MFRP: variants seen among roughly 807,000 people sequenced by gnomAD.
MFRP encodes the protein C1q and TNF related 5.
In MFRP, 74 loss-of-function variants were observed where a neutral mutation model predicts 65.8. The ratio of observed to expected loss-of-function variants is 1.12; its 90% confidence interval spans 0.93 to 1.36. The LOEUF (loss-of-function observed/expected upper bound fraction) is 1.36, where lower values mean the gene tolerates loss of function less well. Among genes scored for constraint, MFRP ranks in the 40% most tolerant of loss-of-function variants. MFRP has a pLI of 0.00. For synonymous variants in MFRP, 336 were observed against 288.3 expected (o/e 1.17, Z -1.68); for missense variants, 838 against 736.0 (o/e 1.14, Z -1.60).
rs1262303200 is a variant in MFRP, at chr11:119,345,630, C to G, written c.431G>C (p.Cys144Ser). 1.2e-6 allele frequency: 2 copies of G among 1,613,604 alleles called. No homozygotes were observed. The highest frequency in any genetic ancestry group is 1.7e-6 in the Non-Finnish European group (2 of 1,179,930). The change falls in exon 5 of 15, where the codon TGT becomes TCT. Residue 144 changes from cysteine to serine, a missense_variant. Cys to Ser is a moderately radical substitution (Grantham distance 112). Transcript: ENST00000619721. Reference protein sequence around the residue: ...SGVSPSPQSTCGGLLSGPRGF... With the variant: ...SGVSPSPQSTSGGLLSGPRGF... The stretch of plus-strand genomic sequence containing the variant: ...CCTTGGGCCAGAGAGGAGGCCTCCA[C>G]AGGCTGCAGAGATGGAGGTTAGAGT...
chr11:119,346,596 T>A lies in MFRP; in HGVS notation c.-83A>T. 7.0e-7 allele frequency: 1 copy of A among 1,421,720 alleles called. No homozygotes were observed. The highest frequency in any genetic ancestry group is 9.9e-7 in the Non-Finnish European group (1 of 1,007,496). The allele number at this position is 1,421,720 out of a possible 1,614,324, so 88.1% of individuals were successfully genotyped here. On this transcript the variant is annotated 5_prime_UTR_variant, in exon 1 of 15. Coordinates refer to ENST00000619721, the MANE Select transcript of MFRP (RefSeq NM_031433.4). ...GCCCACTCGCTGACCACAAACTCCC[T>A]GTCAGAGGGGCAGCCTCTACTACCC...
In MFRP at chr11:119,341,675, C is replaced by T; in HGVS notation, c.1613G>A (p.Cys538Tyr). The T allele has an allele frequency of 6.2e-7, 1 of 1,613,092 alleles. No individual in the cohort carries two copies. The highest frequency in any genetic ancestry group is 8.5e-7 in the Non-Finnish European group (1 of 1,180,028). Reference sequence around the variant, plus strand: ...CTCCGCTTCCTGGCAGACAGAGCGGCAAGGGGGCAGAACACTGCCTAGTGG... The same window carrying T: ...CTCCGCTTCCTGGCAGACAGAGCGGTAAGGGGGCAGAACACTGCCTAGTGG... ...CTPLGSVLPP[C>Y]RSVCQEAEHQ... Residue 538 changes from cysteine (C) to tyrosine (Y), a missense_variant, in exon 13 of 15, where the codon TGC (cysteine) becomes TAC (tyrosine). Coordinates refer to ENST00000619721, the MANE Select transcript of MFRP (RefSeq NM_031433.4).
At position 119,339,451 on chromosome 11, in the gene MFRP, T is replaced by G; in HGVS notation, c.*1508A>C. ...CACCCACACCCACCTGCACCCACAC[T>G]TGGTCCTCAGGCTCCAGCCTCACCA... On this transcript the variant is annotated 3_prime_UTR_variant, in exon 15 of 15. Transcript: ENST00000619721. This position sits in a 1 kb window ranked among gnomAD's most constrained non-coding sequence, Gnocchi z 5.4. The G allele has an allele frequency of 6.2e-7, 1 of 1,613,868 alleles. No homozygotes were observed. The highest frequency in any genetic ancestry group is 1.3e-5 in the African/African-American group (1 of 75,016).
intron 5 of MFRP, 66 bp from the exon 6 acceptor site, chr11:119,345,070 C>G: frequency 6.4e-7 from 1 of 1,561,470 alleles, no homozygotes; most frequent in South Asian, 1.2e-5. Context: ...AGGAGCTTGC[C>G]TGGGCCTTGC....
In MFRP at chr11:119,344,319, T is replaced by G. The variant is rs142198552; in HGVS notation, c.971A>C (p.Gln324Pro). 2 of 1,613,754 alleles carry G rather than the reference T, an allele frequency of 1.2e-6. No individual in the cohort carries two copies. The highest frequency in any genetic ancestry group is 1.3e-5 in the African/African-American group (1 of 74,816). ...TPSYLQQYPHQLLCTWHISVP... is the reference protein window; with the variant it reads ...TPSYLQQYPHPLLCTWHISVP... ...TGCATGGAGCACTGTGCTTACCAGT[T>G]GGTGAGGGTACTGCTGCAGGTAGCT... The change falls in exon 8 of 15, where the codon CAA becomes CCA. Residue 324 changes from glutamine to proline, a missense_variant. Gln to Pro is a moderately conservative substitution (Grantham distance 76). Transcript: ENST00000619721.
rs775002959 is a variant in MFRP, at chr11:119,341,842, C to T, written c.1515+15G>A. On this transcript the variant is annotated intron_variant, in intron 12 of 14. Coordinates refer to ENST00000619721, the MANE Select transcript of MFRP (RefSeq NM_031433.4). The stretch of plus-strand genomic sequence containing the variant: ...CCCCTCCCAGGCCCGCCCTCCTTCC[C>T]TCCACCCAGAAGACCTTGTAACCGC... The T allele has an allele frequency of 5.6e-6, 9 of 1,613,956 alleles. No individual in the cohort carries two copies. Among genetic ancestry groups the T allele is most frequent in the African/African-American group, 1.3e-5 (1 of 75,070 alleles).
At position 119,339,780 on chromosome 11, in the gene MFRP, C is replaced by A; in HGVS notation, c.*1179G>T. On this transcript the variant is annotated 3_prime_UTR_variant, in exon 15 of 15. Coordinates refer to ENST00000619721, the MANE Select transcript of MFRP (RefSeq NM_031433.4). This position sits in a 1 kb window ranked among gnomAD's most constrained non-coding sequence, Gnocchi z 5.4. Reference sequence around the variant, plus strand: ...CGCGGAGGCACCGAGCACTCCCCGGCAGGCCCGGTGGGCCCCGCGGGTCCC... The same window carrying A: ...CGCGGAGGCACCGAGCACTCCCCGGAAGGCCCGGTGGGCCCCGCGGGTCCC... 1 of 1,538,656 alleles carries A rather than the reference C, an allele frequency of 6.5e-7. No individual in the cohort carries two copies. The highest frequency in any genetic ancestry group is 8.7e-7 in the Non-Finnish European group (1 of 1,149,228).
rs770467284 is a variant in MFRP, at chr11:119,342,551, G to A, written c.1387+45C>T. ...CAGTACGGCAGTAGGGTTCTGTGAGGTGGGCACCCAGCCTGCTCAGGGTCC... is the reference window on the plus strand; with the variant it reads ...CAGTACGGCAGTAGGGTTCTGTGAGATGGGCACCCAGCCTGCTCAGGGTCC... On this transcript the variant is annotated intron_variant, in intron 11 of 14. Coordinates refer to ENST00000619721, the MANE Select transcript of MFRP (RefSeq NM_031433.4). The A allele has an allele frequency of 1.0e-4, 165 of 1,609,086 alleles. No homozygotes were observed. The South Asian group carries it at 1.8e-3, about 17-fold the overall frequency.
chr11:119,342,808 G>T, intron 10 of MFRP, 65 bp downstream of exon 10: 2 of 1,613,100 alleles, frequency 1.2e-6, no homozygotes, highest in Non-Finnish European at 1.7e-6. Context: ...CCAGGGTCCA[G>T]AGCCCTTGTC....
At chr11:119,342,454 A>C in intron 11 of MFRP, 142 bp downstream of exon 11, 4 of 1,036,802 alleles carry the variant, frequency 3.9e-6, no homozygotes, top group Non-Finnish European at 5.6e-6. Flanking sequence ...GACTCTGTGA[A>C]GTGGTCCCAG....
intron 9 of MFRP, among the ~76,000 whole-genome samples, chr11:119,343,380 G>A (rs1167018456): frequency 6.6e-6 from 1 of 152,208 alleles, no homozygotes; most frequent in Non-Finnish European, 1.5e-5. Context: ...ATCTGGGCGT[G>A]GTGGCATGTG....
rs1950529766 is a variant in MFRP at position 119,343,923 on chromosome 11, T to C, written c.1017A>G (p.Ile339Met). Residue 339 changes from isoleucine (I) to methionine (M), a missense_variant, in exon 9 of 15, where the codon ATA (isoleucine) becomes ATG (methionine). By Grantham distance (10) the Ile-to-Met change is conservative. Transcript: ENST00000619721. ...WHISVPAGHS[I>M]ELQFHNFSLE... ...GGCTGAAGTTGTGGAACTGTAGTTC[T>C]ATGCTGTGTCCGGCAGGCACCGAGA... 6.2e-7 allele frequency: 1 copy of C among 1,613,808 alleles called. No homozygotes were observed. The highest frequency in any genetic ancestry group is 8.5e-7 in the Non-Finnish European group (1 of 1,180,012).
At chr11:119,345,707 C>A (rs1950557435) in intron 4 of MFRP, 66 bp downstream of exon 4, 2 of 1,612,428 alleles carry the variant, frequency 1.2e-6, no homozygotes, top group Non-Finnish European at 1.7e-6. Flanking sequence ...CTCTTCCTCA[C>A]CCTCCCCTCA....
At position 119,344,969 on chromosome 11, in the gene MFRP, G is replaced by A. The variant is rs769054629; in HGVS notation, c.677C>T (p.Thr226Ile). The change falls in exon 6 of 15, where the codon ACC becomes ATC. Residue 226 changes from threonine to isoleucine, a missense_variant. Physicochemically the swap from Thr to Ile is moderately conservative, Grantham distance 89. Coordinates refer to ENST00000619721, the MANE Select transcript of MFRP (RefSeq NM_031433.4). ...CGRVPPPTLN[T>I]NASHLLVVFV... ...GACCACCAGGAGGTGGCTGGCATTG[G>A]TGTTGAGCGTGGGGGGAGGCACCCT... 5.6e-6 allele frequency: 9 copies of A among 1,608,454 alleles called. No homozygotes were observed. Among genetic ancestry groups the A allele is most frequent in the Non-Finnish European group, 7.6e-6 (9 of 1,178,206 alleles).
At position 119,344,357 on chromosome 11, in the gene MFRP, A is replaced by G. The variant is rs140219646; in HGVS notation, c.933T>C (p.Thr311=). The part of the protein sequence containing the change: ...CGGNLTGLQG[T]FSTPSYLQQY... ...GCTGCAGGTAGCTGGGAGTAGAGAA[A>G]GTGCCCTGGAGGCCAGTCAGATTCC... The change falls in exon 8 of 15, where the codon ACT becomes ACC. Residue 311 remains threonine, a synonymous_variant. Coordinates refer to ENST00000619721, the MANE Select transcript of MFRP (RefSeq NM_031433.4). The G allele has an allele frequency of 3.1e-6, 5 of 1,613,974 alleles. No homozygotes were observed. The Admixed American group carries it at 5.0e-5, about 16-fold the overall frequency.
At position 119,344,380 on chromosome 11, in the gene MFRP, T is replaced by TC; in HGVS notation, c.909dup (p.Asn304GlufsTer54). 2.5e-6 allele frequency: 4 copies of TC among 1,613,632 alleles called. No homozygotes were observed. Among genetic ancestry groups the TC allele is most frequent in the East Asian group, 2.2e-5 (1 of 44,844 alleles). On this transcript the variant is annotated frameshift_variant, in exon 8 of 15. Coordinates refer to ENST00000619721, the MANE Select transcript of MFRP (RefSeq NM_031433.4). LOFTEE classifies it high-confidence loss of function. ...AAAGTGCCCTGGAGGCCAGTCAGAT[T>TC]CCCCCCACACCCTGTAGAGAGGTGG... is the stretch of plus-strand genomic sequence containing the variant.
chr11:119,342,024 A>T, intron 11 of MFRP, 40 bp from the exon 12 acceptor site: 1 of 1,611,430 alleles, frequency 6.2e-7, no homozygotes, highest in East Asian at 2.2e-5. Context: ...GGGACTGCTC[A>T]CTGGCTCTGT....
At chr11:119,346,435 G>A (rs1433851758) in intron 1 of MFRP, 25 bp downstream of exon 1, 2 of 1,613,922 alleles carry the variant, frequency 1.2e-6, no homozygotes, top group African/African-American at 1.3e-5. Context: ...TGGGTCTTAG[G>A]AGCACGATTC....
Position 119,345,785 on chromosome 11 carries a change from A to C in MFRP, c.415T>G (p.Ser139Ala). ...CCCCAGTACTCACTGGACTGTGGGG[A>C]GGGGCTCACGCCTGACTCCTGCTGC... ...KGQQESGVSP[S>A]PQSTCGGLLS... Residue 139 changes from serine (S) to alanine (A), a missense_variant, in exon 4 of 15, where the codon TCC becomes GCC. By Grantham distance (99) the Ser-to-Ala change is moderately conservative. Transcript: ENST00000619721. 1.2e-6 allele frequency: 2 copies of C among 1,613,352 alleles called. No individual in the cohort carries two copies. The highest frequency in any genetic ancestry group is 1.7e-6 in the Non-Finnish European group (2 of 1,179,950).
Sources: gnomAD v4.1 joint callset for allele counts (sites outside exome capture counted in the v4.1 genomes callset) on GRCh38, gnomAD v4.1.1 for gene constraint, Gnocchi (gnomAD v3.1) non-coding constraint, MANE v1.5 for transcripts, NCBI Gene and HGNC (gene_info 2026-07-23, HGNC 2026-07-21) for gene names.